Variants in BNIP5 observed in about 807,000 individuals in gnomAD.
BNIP5 encodes protein BNIP5.
A neutral mutation model predicts 67.3 loss-of-function variants in BNIP5; 61 were observed. The observed-to-expected ratio is 0.91, with a 90% CI of 0.74 to 1.12. The LOEUF (loss-of-function observed/expected upper bound fraction) is 1.12. BNIP5 is among the 50% of genes most tolerant of loss of function. BNIP5 has a pLI of 0.00. For missense variants in BNIP5, 826 were observed against 816.3 expected, an observed-to-expected ratio of 1.01 and a Z score of -0.14; for synonymous variants, 317 against 319.0, an observed-to-expected ratio of 0.99 and a Z score of 0.07.
rs117033434 is a variant in BNIP5, at chr6:36,322,416, G to C, written c.1498C>G (p.Pro500Ala). 2 of 1,613,988 alleles carry C rather than the reference G, an allele frequency of 1.2e-6. No homozygotes were observed. The highest frequency in any genetic ancestry group is 1.7e-5 in the Admixed American group (1 of 60,004). Reference sequence around the variant, plus strand: ...ACTGGCTCCCCTTCTGCGGGCAGGGGCTCCCGGCACTCGAGATCTTCTGGA... The same window carrying C: ...ACTGGCTCCCCTTCTGCGGGCAGGGCCTCCCGGCACTCGAGATCTTCTGGA... ...LDPEDLECREPLPAEGEPVVI... is the reference protein window; with the variant it reads ...LDPEDLECREALPAEGEPVVI... Residue 500 changes from proline to alanine, a missense_variant, in exon 9 of 12, where the codon CCC becomes GCC. Physicochemically the swap from Pro to Ala is conservative, Grantham distance 27 (BLOSUM62 -1). Transcript: ENST00000437635.
chr6:36,326,984 G>A (rs1771778919), intron 4 of BNIP5, 46 bp downstream of exon 4: 1 of 1,548,306 alleles, frequency 6.5e-7, no homozygotes. Context: ...AGGAGGAGGA[G>A]GAGAAGGCAG....
At position 36,327,098 on chromosome 6, in the gene BNIP5, GAAGA is replaced by G. The variant is rs746572850; in HGVS notation, c.728-8_728-5del. The G allele has an allele frequency of 6.2e-7, 1 of 1,613,192 alleles. No homozygotes were observed. Among genetic ancestry groups the G allele is most frequent in the East Asian group, 2.2e-5 (1 of 44,892 alleles). On this transcript the variant is annotated splice_region_variant and splice_polypyrimidine_tract_variant and intron_variant, in intron 3 of 11. Transcript: ENST00000437635. ...ATCATCTGAATGATAGCATCCTCTGGAAGAAAGCAAATGCATCCGGTTATTCTTT... is the reference window on the plus strand; with the variant it reads ...ATCATCTGAATGATAGCATCCTCTGGAAGCAAATGCATCCGGTTATTCTTT...
rs558198488 is a variant in BNIP5, at chr6:36,324,529, TA to T, written c.1169-340del. ...GCAAACAAGGCAGAATGGCAGGGGA[TA>T]GGGGGCAGAGATCTTTCCAGGTCTT... On this transcript the variant is annotated intron_variant, in intron 6 of 11. Coordinates refer to ENST00000437635, the MANE Select transcript of BNIP5 (RefSeq NM_001010903.5). Among the ~76,000 whole-genome samples the T allele has an allele frequency of 2.4e-3, 307 of 129,054 alleles. 2 individuals carry two copies. Among genetic ancestry groups the T allele is most frequent in the African/African-American group, 8.5e-3 (286 of 33,646 alleles). The allele number at this position is 129,054 out of a possible 152,430, so 84.7% of individuals were successfully genotyped here.
intron 1 of BNIP5, 134 bp from the exon 2 acceptor site, chr6:36,330,828 A>G: frequency 1.7e-6 from 2 of 1,205,062 alleles, no homozygotes; most frequent in Middle Eastern, 2.8e-4. Context: ...CAGTGGCGCT[A>G]TCTCAGCTCA....
intron 4 of BNIP5, 50 bp downstream of exon 4, chr6:36,326,980 A>T: frequency 6.5e-7 from 1 of 1,531,276 alleles, no homozygotes; most frequent in Non-Finnish European, 9.1e-7. Context: ...GCAGAGGAGG[A>T]GGAGGAGAAG....
intron 1 of BNIP5, among the ~76,000 whole-genome samples, chr6:36,336,440 T>C (rs1398796881): frequency 6.6e-6 from 1 of 152,182 alleles, no homozygotes; most frequent in Non-Finnish European, 1.5e-5. Context: ...GGATTGGGAC[T>C]TGAATACAGA....
At chr6:36,329,395 C>T (rs1291465170) in intron 2 of BNIP5, among the ~76,000 whole-genome samples, 1 of 152,206 alleles carries the variant, frequency 6.6e-6, no homozygotes, top group Non-Finnish European at 1.5e-5. Context: ...TCATTTTATC[C>T]ATGAAAAAAG....
chr6:36,319,878 C>T (rs763031949), intron 10 of BNIP5, among the ~76,000 whole-genome samples: 15 of 152,184 alleles, frequency 9.9e-5, no homozygotes, highest in African/African-American at 3.6e-4. Context: ...AGAGTCTTCT[C>T]GTCTACCCTA....
At chr6:36,321,323 A>C (rs1462175614) in intron 9 of BNIP5, 104 bp from the exon 10 acceptor site, 2 of 820,398 alleles carry the variant, frequency 2.4e-6, no homozygotes, top group Non-Finnish European at 4.1e-6. Context: ...GAAAGACAAT[A>C]TTTTCTCTCT....
Position 36,322,398 on chromosome 6 carries a change from C to A in BNIP5, c.1516G>T (p.Glu506Ter), listed in dbSNP as rs927621968. ...ECREPLPAEG[E>*]PVVISEAPSQ... is the part of the protein sequence containing the mutation. ...GGTGCTTCTGAGATCACAACTGGCT[C>A]CCCTTCTGCGGGCAGGGGCTCCCGG... The change falls in exon 9 of 12, where the codon GAG (glutamate) becomes TAG (stop). Residue 506 changes from glutamate to a stop codon, truncating the protein, a stop_gained. Coordinates refer to ENST00000437635, the MANE Select transcript of BNIP5 (RefSeq NM_001010903.5). LOFTEE classifies it high-confidence loss of function. The A allele has an allele frequency of 6.2e-7, 1 of 1,614,114 alleles. No individual in the cohort carries two copies. The highest frequency in any genetic ancestry group is 1.3e-5 in the African/African-American group (1 of 75,046).
chr6:36,323,246 G>A (rs1399706625), intron 8 of BNIP5, 47 bp downstream of exon 8: 2 of 1,610,554 alleles, frequency 1.2e-6, no homozygotes, highest in South Asian at 2.2e-5. Context: ...CAGCAGCCTT[G>A]CCCAAGAGGA....
rs551005348 is a variant in BNIP5, at chr6:36,330,156, C to A, written c.535G>T (p.Gly179Cys). Residue 179 changes from glycine (G) to cysteine (C), a missense_variant, in exon 2 of 12, where the codon GGC (glycine) becomes TGC (cysteine). Physicochemically the swap from Gly to Cys is radical, Grantham distance 159. Transcript: ENST00000437635. ...GCCTTGGACAACCCTTCCTCTCGGCCTCTGGCCTCCTGGTCTTGAGCTGCC... is the reference window on the plus strand; with the variant it reads ...GCCTTGGACAACCCTTCCTCTCGGCATCTGGCCTCCTGGTCTTGAGCTGCC... ...TKAAQDQEAR[G>C]REEGLSKAAA... 51 of 1,613,800 alleles carry A rather than the reference C, an allele frequency of 3.2e-5. No homozygotes were observed. The East Asian group carries it at 1.1e-3, about 35-fold the overall frequency.
intron 5 of BNIP5, among the ~76,000 whole-genome samples, chr6:36,325,934 C>T (rs910279530): frequency 2.6e-5 from 4 of 152,204 alleles, no homozygotes; most frequent in East Asian, 1.9e-4. Flanking sequence ...GGCCATGTGG[C>T]CTTGAACACA....
At chr6:36,317,528 C>A (rs1167679831) in intron 11 of BNIP5, 137 bp from the exon 12 acceptor site, 3 of 739,984 alleles carry the variant, frequency 4.1e-6, no homozygotes, top group Non-Finnish European at 7.3e-6. Context: ...CTTGCAACAC[C>A]TCCTGCTGAC....
chr6:36,321,368 A>T (rs763018), intron 9 of BNIP5, 149 bp from the exon 10 acceptor site: 5 of 644,656 alleles, frequency 7.8e-6, no homozygotes, highest in East Asian at 5.6e-5. Context: ...TGATGGACCC[A>T]GACAATTCTT....
At chr6:36,327,800 A>G (rs182487872) in intron 3 of BNIP5, among the ~76,000 whole-genome samples, 3 of 151,408 alleles carry the variant, frequency 2.0e-5, no homozygotes, top group East Asian at 1.9e-4. Flanking sequence ...AAGAGATGCA[A>G]ACAAGGTTCC....
intron 9 of BNIP5, 95 bp downstream of exon 9, chr6:36,322,216 C>A: frequency 6.6e-7 from 1 of 1,508,280 alleles, no homozygotes. Flanking sequence ...CTTCCCCATT[C>A]CTTCCTCAGA....
Position 36,323,510 on chromosome 6 carries a change from C to T in BNIP5, c.1254G>A (p.Glu418=), listed in dbSNP as rs370085826. 4 of 1,614,034 alleles carry T rather than the reference C, an allele frequency of 2.5e-6. No homozygotes were observed. In the African/African-American group the frequency reaches 5.3e-5, roughly 22 times the overall value. ...GEEQPQVQQE[E]VGVENPAPHC... ...GTGGGGCCGGGTTTTCTACACCCAC[C>T]TCTTCCTGCTGGACTTGAGGTTGCT... The change falls in exon 8 of 12, where the codon GAG becomes GAA. Residue 418 remains glutamate (E), a synonymous_variant. Coordinates refer to ENST00000437635, the MANE Select transcript of BNIP5 (RefSeq NM_001010903.5).
intron 3 of BNIP5, among the ~76,000 whole-genome samples, chr6:36,328,370 A>C (rs1561885194): frequency 6.6e-6 from 1 of 152,256 alleles, no homozygotes; most frequent in Non-Finnish European, 1.5e-5. Flanking sequence ...TCATTAACAC[A>C]TAAGGCAGAA....
Sources: gnomAD v4.1 joint callset for allele counts (sites outside exome capture counted in the v4.1 genomes callset) on GRCh38, gnomAD v4.1.1 for gene constraint, MANE v1.5 for transcripts, NCBI Gene and HGNC (gene_info 2026-07-23, HGNC 2026-07-21) for gene names.